The following TAF3 variants were observed in gnomAD, a reference collection of about 807,000 sequenced individuals.
TAF3 encodes TATA-box binding protein associated factor 3, also known as transcription initiation factor TFIID subunit 3.
A neutral mutation model predicts 80.6 loss-of-function variants in TAF3; 7 were observed. The ratio of observed to expected loss-of-function variants is 0.09; its 90% CI spans 0.05 to 0.16. The LOEUF (loss-of-function observed/expected upper bound fraction) is 0.16. Among genes scored for constraint, TAF3 ranks in the 10% least tolerant of loss-of-function variants. The probability of loss-of-function intolerance (pLI) is 1.00; values close to 1 mark genes in which losing one functional copy is unlikely to be tolerated. For missense variants in TAF3, 921 were observed against 1,140.2 expected, an observed-to-expected ratio of 0.81 and a Z score of 2.77; for synonymous variants, 444 against 446.1, an observed-to-expected ratio of 1.00 and a Z score of 0.06.
intron 2 of TAF3, among the ~76,000 whole-genome samples, chr10:7,826,938 A>G (rs548248631): frequency 3.3e-5 from 5 of 152,282 alleles, no homozygotes; most frequent in Non-Finnish European, 5.9e-5. Context: ...CCCCTTTGAT[A>G]ATGATGCTGT....
intron 2 of TAF3, among the ~76,000 whole-genome samples, chr10:7,940,211 T>C (rs1468458374): frequency 2.0e-5 from 3 of 152,210 alleles, no homozygotes; most frequent in African/African-American, 7.2e-5. Flanking sequence ...ACCACGCTGT[T>C]AGGTCAGAGG....
intron 2 of TAF3, among the ~76,000 whole-genome samples, chr10:7,876,013 C>G (rs1450485803): frequency 6.6e-6 from 1 of 151,316 alleles, no homozygotes; most frequent in Non-Finnish European, 1.5e-5. Context: ...TTTTATCATA[C>G]TATTAAACTT....
Position 7,858,830 on chromosome 10 carries a change from G to A in TAF3, c.409+34270G>A, listed in dbSNP as rs111601410. On this transcript the variant is annotated intron_variant, in intron 2 of 6. Coordinates refer to ENST00000344293, the MANE Select transcript of TAF3 (RefSeq NM_031923.4). ...TCTGTGTGTGTGTGTGTGTGTGTGCGCGCGCCTGCATGTCACTGAATGTAC... is the reference window on the plus strand; with the variant it reads ...TCTGTGTGTGTGTGTGTGTGTGTGCACGCGCCTGCATGTCACTGAATGTAC... Among the ~76,000 whole-genome samples the A allele has an allele frequency of 3.0e-4, 45 of 151,690 alleles. No homozygotes were observed. In the East Asian group the frequency reaches 4.5e-3, roughly 15 times the overall value.
chr10:7,987,624 G>A (rs901355905), intron 4 of TAF3, among the ~76,000 whole-genome samples: 1 of 152,124 alleles, frequency 6.6e-6, no homozygotes, highest in Non-Finnish European at 1.5e-5. Context: ...TCTTCTAAAA[G>A]GCTATACCAA....
chr10:7,862,353 T>C lies in TAF3; in HGVS notation c.409+37793T>C, dbSNP rs532843007. Among the ~76,000 whole-genome samples the C allele has an allele frequency of 5.9e-4, 90 of 152,338 alleles. 2 individuals carry two copies. In the South Asian group the frequency reaches 0.018, roughly 31 times the overall value. Reference sequence around the variant, plus strand: ...TGTAGAGAAGGTGGATTCTGCTGTTTTCCTGATGTTTGTTTTTTGTTTCAG... The same window carrying C: ...TGTAGAGAAGGTGGATTCTGCTGTTCTCCTGATGTTTGTTTTTTGTTTCAG... On this transcript the variant is annotated intron_variant, in intron 2 of 6. Transcript: ENST00000344293.
In TAF3 at chr10:7,895,696, C is replaced by A. The variant is rs192973013; in HGVS notation, c.410-68224C>A. Among the ~76,000 whole-genome samples the A allele has an allele frequency of 3.0e-4, 46 of 151,474 alleles. 1 individual carries two copies. The highest frequency in any genetic ancestry group is 7.9e-4 in the Admixed American group (12 of 15,212). On this transcript the variant is annotated intron_variant, in intron 2 of 6. Transcript: ENST00000344293. ...GGCTTTGGAATGAGACTTTCCATTG[C>A]ACACATTTTTTTCCACTAATTGTGT...
At chr10:7,971,228 G>C (rs1156483132) in intron 3 of TAF3, among the ~76,000 whole-genome samples, 4 of 152,096 alleles carry the variant, frequency 2.6e-5, no homozygotes, top group African/African-American at 9.7e-5. Flanking sequence ...ATAGTTATCA[G>C]AGTTTACTTA....
At chr10:8,003,975 A>T (rs1023252397) in intron 4 of TAF3, among the ~76,000 whole-genome samples, 1 of 152,218 alleles carries the variant, frequency 6.6e-6, no homozygotes, top group South Asian at 2.1e-4. Flanking sequence ...ATCTGTTAAC[A>T]TATAATGGGT....
At position 7,965,484 on chromosome 10, in the gene TAF3, A is replaced by G. The variant is rs1191854850; in HGVS notation, c.1974A>G (p.Pro658=). 2.5e-6 allele frequency: 4 copies of G among 1,608,892 alleles called. No homozygotes were observed. The highest frequency in any genetic ancestry group is 4.5e-5 in the East Asian group (2 of 44,834). Residue 658 remains proline (P), a synonymous_variant, in exon 3 of 7, where the codon CCA becomes CCG. Transcript: ENST00000344293. The stretch of plus-strand genomic sequence containing the variant: ...CAGCACCCCCACTGGTGTTGCCCCC[A>G]AAAGAGTTGGCCCTGCCCTTGTTCA... ...KAPAPPLVLP[P]KELALPLFSP...
In TAF3 at chr10:7,853,180, CTT is replaced by C. The variant is rs768924784; in HGVS notation, c.409+28621_409+28622del. Among the ~76,000 whole-genome samples the C allele has an allele frequency of 5.3e-5, 8 of 152,106 alleles. No individual in the cohort carries two copies. In the East Asian group the frequency reaches 9.6e-4, roughly 18 times the overall value. On this transcript the variant is annotated intron_variant, in intron 2 of 6. Transcript: ENST00000344293. ...CCTTTATTTAAAAAAATCATATAAA[CTT>C]ATAATTAAATAAATTATACTAGAAG...
chr10:7,951,616 TG>T (rs1278805871), intron 2 of TAF3, among the ~76,000 whole-genome samples: 1 of 152,212 alleles, frequency 6.6e-6, no homozygotes, highest in Non-Finnish European at 1.5e-5. Flanking sequence ...CACCTCTTGA[TG>T]AGAACAGCTG....
At chr10:7,957,226 C>A (rs574427195) in intron 2 of TAF3, among the ~76,000 whole-genome samples, 1 of 152,156 alleles carries the variant, frequency 6.6e-6, no homozygotes, top group Non-Finnish European at 1.5e-5. Context: ...TACCCACTGT[C>A]CTTCAAAGCT....
chr10:7,949,740 A>G (rs1004453760), intron 2 of TAF3, among the ~76,000 whole-genome samples: 4 of 140,068 alleles, frequency 2.9e-5, no homozygotes, highest in East Asian at 2.2e-4. Flanking sequence ...CTGTGAAGCA[A>G]TTCTTTCTTC....
chr10:8,000,726 C>T (rs962415584), intron 4 of TAF3, among the ~76,000 whole-genome samples: 4 of 152,152 alleles, frequency 2.6e-5, no homozygotes, highest in Non-Finnish European at 5.9e-5. Flanking sequence ...TTGCAGTGAG[C>T]CAAGATTGCA....
intron 2 of TAF3, 55 bp downstream of exon 2, chr10:7,824,615 C>T (rs975237279): frequency 9.6e-6 from 15 of 1,560,706 alleles, no homozygotes; most frequent in Non-Finnish European, 1.3e-5. Flanking sequence ...GATTTTTAAT[C>T]CTCTTAGCTT....
At chr10:7,820,540 C>G (rs139858240) in intron 1 of TAF3, among the ~76,000 whole-genome samples, 1 of 152,280 alleles carries the variant, frequency 6.6e-6, no homozygotes, top group African/African-American at 2.4e-5. Context: ...TGTCGCCGAG[C>G]GTGGAGTGCA....
chr10:7,852,611 A>G (rs989638170), intron 2 of TAF3, among the ~76,000 whole-genome samples: 11 of 152,240 alleles, frequency 7.2e-5, no homozygotes, highest in African/African-American at 2.7e-4. Context: ...TTGTTTTGGC[A>G]AGACTACTTC....
chr10:7,905,908 C>T (rs1837604757), intron 2 of TAF3, among the ~76,000 whole-genome samples: 2 of 151,976 alleles, frequency 1.3e-5, no homozygotes, highest in African/African-American at 2.4e-5. Flanking sequence ...AGCAAAGATT[C>T]TGCTTTATGT....
chr10:7,965,157 C>T lies in TAF3; in HGVS notation c.1647C>T (p.Asn549=), dbSNP rs1831556758. ...ATAGGGAGAGGGAAAAAGACAAGAACAAGGACAAAAGTAAGGAGAAGGATA... is the reference window on the plus strand; with the variant it reads ...ATAGGGAGAGGGAAAAAGACAAGAATAAGGACAAAAGTAAGGAGAAGGATA... The part of the protein sequence containing the change: ...QRDREREKDK[N]KDKSKEKDKV... Residue 549 remains asparagine (N), a synonymous_variant, in exon 3 of 7, where the codon AAC becomes AAT. Transcript: ENST00000344293. 1 of 1,611,048 alleles carries T rather than the reference C, an allele frequency of 6.2e-7. No individual in the cohort carries two copies.
Sources: gnomAD v4.1 joint callset for allele counts (sites outside exome capture counted in the v4.1 genomes callset) on GRCh38, gnomAD v4.1.1 for gene constraint, MANE v1.5 for transcripts, NCBI Gene and HGNC (gene_info 2026-07-23, HGNC 2026-07-21) for gene names.